The following NKAIN2 variants were observed in gnomAD, a reference collection of about 807,000 sequenced individuals.
NKAIN2 encodes the protein sodium/potassium transporting ATPase interacting 2, also known as sodium/potassium-transporting ATPase subunit beta-1-interacting protein 2.
Under a neutral mutation model 32.6 loss-of-function variants are expected in NKAIN2, and 14 were observed. The ratio of observed to expected loss-of-function variants is 0.43; its 90% CI spans 0.28 to 0.67. NKAIN2 has a LOEUF of 0.67. Among genes scored for constraint, NKAIN2 ranks in the 30% least tolerant of loss-of-function variants. NKAIN2 has a pLI of 0.17. For missense variants in NKAIN2, 198 were observed against 258.3 expected, an observed-to-expected ratio of 0.77 and a Z score of 1.60; for synonymous variants, 80 against 87.2, an observed-to-expected ratio of 0.92 and a Z score of 0.46.
chr6:123,866,788 T>A (rs1289453772), intron 1 of NKAIN2, among the ~76,000 whole-genome samples: 1 of 152,192 alleles, frequency 6.6e-6, no homozygotes, highest in African/African-American at 2.4e-5. Context: ...AATCCTCCTG[T>A]TAAAACCTGT....
intron 3 of NKAIN2, among the ~76,000 whole-genome samples, chr6:124,562,004 G>A (rs953241846): frequency 4.6e-5 from 7 of 152,172 alleles, no homozygotes; most frequent in Non-Finnish European, 8.8e-5. Flanking sequence ...CTGTCATTGT[G>A]GAGAAATTTA....
intron 1 of NKAIN2, among the ~76,000 whole-genome samples, chr6:123,894,983 T>A (rs1001602925): frequency 3.9e-5 from 6 of 152,210 alleles, no homozygotes; most frequent in African/African-American, 1.4e-4. Context: ...GAAGTGGATC[T>A]ATAGCGCCCT....
chr6:124,438,523 AAGAAG>A lies in NKAIN2; in HGVS notation c.273+83181_273+83185del, dbSNP rs1158623042. Among the ~76,000 whole-genome samples the A allele has an allele frequency of 3.5e-4, 54 of 152,182 alleles. 1 individual carries two copies. The highest frequency in any genetic ancestry group is 8.8e-5 in the Non-Finnish European group (6 of 68,016). ...GAGATAGAGATAGATACAGAAAAGA[AAGAAG>A]AGAAATCATTATGAACAAAACAAAA... On this transcript the variant is annotated intron_variant, in intron 3 of 6. Transcript: ENST00000368417.
chr6:124,190,949 C>G (rs556423723), intron 1 of NKAIN2, among the ~76,000 whole-genome samples: 2 of 152,104 alleles, frequency 1.3e-5, no homozygotes, highest in African/African-American at 4.8e-5. Flanking sequence ...TCTATAACAT[C>G]CTCCCCCACC....
chr6:124,007,001 T>C (rs951647542), intron 1 of NKAIN2, among the ~76,000 whole-genome samples: 2 of 152,152 alleles, frequency 1.3e-5, no homozygotes, highest in Non-Finnish European at 1.5e-5. Context: ...GAGAAATGCA[T>C]CCTTAAGCAA....
At chr6:124,057,140 C>G (rs188525595) in intron 1 of NKAIN2, among the ~76,000 whole-genome samples, 2 of 152,042 alleles carry the variant, frequency 1.3e-5, no homozygotes, top group African/African-American at 4.8e-5. Context: ...ATATAGGCAC[C>G]CTTTATAGCT....
At chr6:124,790,447 A>T (rs1779698184) in intron 4 of NKAIN2, among the ~76,000 whole-genome samples, 1 of 152,058 alleles carries the variant, frequency 6.6e-6, no homozygotes, top group South Asian at 2.1e-4. Context: ...AGCCAGATCA[A>T]TGCCTGTCTG....
chr6:124,696,336 C>T (rs1774496769), intron 4 of NKAIN2, among the ~76,000 whole-genome samples: 1 of 151,994 alleles, frequency 6.6e-6, no homozygotes, highest in Admixed American at 6.6e-5. Context: ...TGAGGTTTTC[C>T]AATTTCCTTT....
At chr6:124,228,936 C>T (rs1170196699) in intron 1 of NKAIN2, among the ~76,000 whole-genome samples, 1 of 152,016 alleles carries the variant, frequency 6.6e-6, no homozygotes, top group Non-Finnish European at 1.5e-5. Context: ...CTTTTTATCA[C>T]AAAAACATAA....
At chr6:124,441,593 T>C (rs1775690291) in intron 3 of NKAIN2, among the ~76,000 whole-genome samples, 1 of 152,076 alleles carries the variant, frequency 6.6e-6, no homozygotes, top group South Asian at 2.1e-4. Context: ...CAGCTGAAGT[T>C]CCAGCTGAGA....
chr6:123,924,149 A>C (rs1319071897), intron 1 of NKAIN2, among the ~76,000 whole-genome samples: 5 of 152,298 alleles, frequency 3.3e-5, no homozygotes, highest in African/African-American at 1.2e-4. Flanking sequence ...GAATTGAAGA[A>C]ATGCATTTGG....
chr6:123,877,216 G>A (rs1320158123), intron 1 of NKAIN2, among the ~76,000 whole-genome samples: 1 of 151,996 alleles, frequency 6.6e-6, no homozygotes, highest in Non-Finnish European at 1.5e-5. Flanking sequence ...CCCAGGAAGT[G>A]CATTTAAAAT....
intron 1 of NKAIN2, among the ~76,000 whole-genome samples, chr6:123,869,419 C>T (rs547780683): frequency 3.9e-5 from 6 of 152,260 alleles, no homozygotes; most frequent in South Asian, 4.2e-4. Flanking sequence ...ATACTCCCTT[C>T]AAGAGCTCTC....
At chr6:124,580,340 TA>T (rs1441125528) in intron 3 of NKAIN2, among the ~76,000 whole-genome samples, 3 of 152,116 alleles carry the variant, frequency 2.0e-5, no homozygotes, top group Non-Finnish European at 4.4e-5. Context: ...AACAAAAAAT[TA>T]AAATGTGGGG....
At chr6:124,035,182 A>G (rs886677345) in intron 1 of NKAIN2, among the ~76,000 whole-genome samples, 4 of 152,126 alleles carry the variant, frequency 2.6e-5, no homozygotes, top group Admixed American at 1.3e-4. Context: ...GGAGAAGGCT[A>G]TAAAATGCTT....
chr6:124,476,019 C>CGT (rs148892666), intron 3 of NKAIN2, among the ~76,000 whole-genome samples: 7 of 141,366 alleles, frequency 5.0e-5, no homozygotes, highest in African/African-American at 1.6e-4. Context: ...TGTGTGTGAG[C>CGT]GTGTGTGTGT....
intron 3 of NKAIN2, among the ~76,000 whole-genome samples, chr6:124,641,810 C>A (rs1562300328): frequency 6.6e-6 from 1 of 151,966 alleles, no homozygotes; most frequent in Admixed American, 6.6e-5. Context: ...CTGCCTTAGC[C>A]TCCCAAAGTG....
At chr6:124,343,222 A>T (rs371411405) in intron 2 of NKAIN2, among the ~76,000 whole-genome samples, 1 of 151,790 alleles carries the variant, frequency 6.6e-6, no homozygotes, top group Non-Finnish European at 1.5e-5. Flanking sequence ...TCTTAATCCA[A>T]TCTATCATTG....
intron 1 of NKAIN2, among the ~76,000 whole-genome samples, chr6:123,837,088 T>A (rs2114926420): frequency 6.6e-6 from 1 of 152,274 alleles, no homozygotes; most frequent in East Asian, 1.9e-4. Flanking sequence ...AAATCACCCA[T>A]ATTTTGTTTT....
Sources: gnomAD v4.1 joint callset for allele counts (sites outside exome capture counted in the v4.1 genomes callset) on GRCh38, gnomAD v4.1.1 for gene constraint, MANE v1.5 for transcripts, NCBI Gene and HGNC (gene_info 2026-07-23, HGNC 2026-07-21) for gene names.